The following MARCHF8 variants were observed in gnomAD, a reference collection of about 807,000 sequenced individuals.
MARCHF8 encodes E3 ubiquitin-protein ligase MARCHF8.
MARCHF8 carries 40 observed loss-of-function variants against 51.6 expected under a neutral mutation model. The observed-to-expected ratio is 0.77, with a 90% CI of 0.60 to 1.01. MARCHF8 has a LOEUF of 1.01. Among genes scored for constraint, MARCHF8 ranks in the 50% least tolerant of loss-of-function variants. MARCHF8 has a pLI of 0.00. For synonymous variants in MARCHF8, 263 were observed against 280.3 expected (o/e 0.94, Z 0.62); for missense variants, 685 against 708.6 (o/e 0.97, Z 0.38).
intron 3 of MARCHF8, among the ~76,000 whole-genome samples, chr10:45,488,531 T>C (rs926858392): frequency 1.3e-5 from 2 of 152,130 alleles, no homozygotes; most frequent in Admixed American, 6.5e-5. Flanking sequence ...GGAGACTATA[T>C]GATCAAACAG....
At chr10:45,502,263 T>C (rs932601544) in intron 2 of MARCHF8, among the ~76,000 whole-genome samples, 1 of 152,118 alleles carries the variant, frequency 6.6e-6, no homozygotes, top group African/African-American at 2.4e-5. Flanking sequence ...ACTACTCCAC[T>C]AGTAAAAAGG....
intron 1 of MARCHF8, among the ~76,000 whole-genome samples, chr10:45,569,012 C>T (rs1304839047): frequency 6.9e-6 from 1 of 145,424 alleles, no homozygotes. Context: ...TTGCAGTGAG[C>T]CGAGATGGCG....
At chr10:45,519,145 C>T (rs77073461) in intron 2 of MARCHF8, among the ~76,000 whole-genome samples, 321 of 152,226 alleles carry the variant, frequency 2.1e-3, no homozygotes, top group South Asian at 0.016. Context: ...AAGTGCCATT[C>T]GTAAAGGATT....
chr10:45,504,219 G>T (rs953256021), intron 2 of MARCHF8, among the ~76,000 whole-genome samples: 2 of 152,224 alleles, frequency 1.3e-5, no homozygotes, highest in African/African-American at 4.8e-5. Flanking sequence ...GCCGAGACGG[G>T]CAGATCACCT....
intron 2 of MARCHF8, among the ~76,000 whole-genome samples, chr10:45,519,189 G>T (rs1313479125): frequency 6.6e-6 from 1 of 152,178 alleles, no homozygotes; most frequent in Non-Finnish European, 1.5e-5. Flanking sequence ...GGTATCATGT[G>T]GATACCATCC....
In MARCHF8 at chr10:45,508,934, G is replaced by T. The variant is rs534983994; in HGVS notation, c.103-19517C>A. Among the ~76,000 whole-genome samples, 671 of 151,928 alleles carry T rather than the reference G, an allele frequency of 4.4e-3. 4 individuals carry two copies. Among genetic ancestry groups the T allele is most frequent in the African/African-American group, 0.015 (640 of 41,446 alleles). ...ACTCTCATCAGATCCTTCATTTTTT[G>T]AAAATGATCAGTAAAAAATTAACTG... is the stretch of plus-strand genomic sequence containing the variant. On this transcript the variant is annotated intron_variant, in intron 2 of 7. Transcript: ENST00000453424.
intron 1 of MARCHF8, among the ~76,000 whole-genome samples, chr10:45,545,044 C>A (rs532188327): frequency 6.6e-6 from 1 of 152,322 alleles, no homozygotes; most frequent in South Asian, 2.1e-4. Flanking sequence ...TTTGGGCTAA[C>A]TAACTCTTCC....
chr10:45,494,237 A>G (rs1043383370), intron 2 of MARCHF8, among the ~76,000 whole-genome samples: 4 of 152,230 alleles, frequency 2.6e-5, no homozygotes, highest in Admixed American at 2.0e-4. Context: ...GTGGCTCCCA[A>G]CAGAATGTAC....
chr10:45,578,872 C>A (rs2044519338), intron 1 of MARCHF8, among the ~76,000 whole-genome samples: 1 of 152,204 alleles, frequency 6.6e-6, no homozygotes, highest in Non-Finnish European at 1.5e-5. Context: ...GATCTGTACT[C>A]TTCCAAAAGA....
At chr10:45,514,125 T>C (rs1482140486) in intron 2 of MARCHF8, among the ~76,000 whole-genome samples, 1 of 152,238 alleles carries the variant, frequency 6.6e-6, no homozygotes, top group Non-Finnish European at 1.5e-5. Flanking sequence ...AAGAATACTT[T>C]TCGCAATTTC....
chr10:45,529,422 T>C (rs184789446), intron 2 of MARCHF8, among the ~76,000 whole-genome samples: 7 of 152,256 alleles, frequency 4.6e-5, no homozygotes, highest in African/African-American at 1.7e-4. Flanking sequence ...GGCAAAGAAT[T>C]CATGCCTAGG....
At chr10:45,472,269 T>C (rs1156940367) in intron 3 of MARCHF8, among the ~76,000 whole-genome samples, 1 of 152,218 alleles carries the variant, frequency 6.6e-6, no homozygotes, top group East Asian at 1.9e-4. Context: ...TATTCATTTC[T>C]TTCACTGCAC....
At chr10:45,564,768 A>G (rs1317512966) in intron 1 of MARCHF8, among the ~76,000 whole-genome samples, 1 of 152,136 alleles carries the variant, frequency 6.6e-6, no homozygotes, top group Non-Finnish European at 1.5e-5. Context: ...CGACAATAAC[A>G]GTAATATGAC....
At chr10:45,516,513 C>T (rs889478483) in intron 2 of MARCHF8, among the ~76,000 whole-genome samples, 16 of 152,192 alleles carry the variant, frequency 1.1e-4, no homozygotes, top group African/African-American at 3.1e-4. Context: ...CTGTTAATCC[C>T]GGCACTTTGG....
In MARCHF8 at chr10:45,522,724, A is replaced by G. The variant is rs566020304; in HGVS notation, c.102+10386T>C. Among the ~76,000 whole-genome samples the G allele has an allele frequency of 4.2e-3, 634 of 152,324 alleles. 2 individuals are homozygous for G. The highest frequency in any genetic ancestry group is 0.015 in the African/African-American group (605 of 41,572). On this transcript the variant is annotated intron_variant, in intron 2 of 7. Coordinates refer to ENST00000453424, the MANE Select transcript of MARCHF8 (RefSeq NM_001282866.2). The stretch of plus-strand genomic sequence containing the variant: ...GCAGTGCCCTGCTCTGCTTTTTAAA[A>G]AACAGGCTTCTGAAATGTGGTAAAT...
At chr10:45,577,398 A>G (rs2044502202) in intron 1 of MARCHF8, among the ~76,000 whole-genome samples, 1 of 152,160 alleles carries the variant, frequency 6.6e-6, no homozygotes, top group Non-Finnish European at 1.5e-5. Context: ...CAAAGGATAA[A>G]TGCATGAGGG....
intron 2 of MARCHF8, among the ~76,000 whole-genome samples, chr10:45,529,146 T>C (rs2043837933): frequency 6.6e-6 from 1 of 152,144 alleles, no homozygotes; most frequent in African/African-American, 2.4e-5. Context: ...AGAACCCAAA[T>C]TAAAGACACA....
At chr10:45,516,024 A>G (rs1474281730) in intron 2 of MARCHF8, among the ~76,000 whole-genome samples, 1 of 152,098 alleles carries the variant, frequency 6.6e-6, no homozygotes, top group Non-Finnish European at 1.5e-5. Context: ...TTTTGAAGTG[A>G]CATTCCTTTT....
intron 1 of MARCHF8, among the ~76,000 whole-genome samples, chr10:45,545,421 G>T (rs1209122221): frequency 1.3e-5 from 2 of 152,154 alleles, no homozygotes; most frequent in African/African-American, 4.8e-5. Flanking sequence ...TGGAGATTTG[G>T]AAAAACTAAC....
Sources: allele counts gnomAD v4.1 joint callset (sites outside exome capture counted in the v4.1 genomes callset), GRCh38; gene constraint gnomAD v4.1.1; transcripts MANE v1.5; gene names NCBI Gene and HGNC (gene_info 2026-07-23, HGNC 2026-07-21).